Variants in NAV2 observed in about 807,000 individuals in gnomAD.
NAV2 encodes the protein helicase, APC down-regulated 1.
NAV2 carries 54 observed loss-of-function variants against 223.2 expected under a neutral mutation model. The observed-to-expected ratio is 0.24, with a 90% CI of 0.19 to 0.30. The LOEUF is 0.30. NAV2 is among the 10% of genes least tolerant of loss of function. NAV2 has a pLI of 1.00. For synonymous variants in NAV2, 1,279 were observed against 1,239.3 expected, an observed-to-expected ratio of 1.03 and a Z score of -0.67; for missense variants, 2,806 against 3,147.5, an observed-to-expected ratio of 0.89 and a Z score of 2.60.
At chr11:19,657,755 G>C (rs1386217516) in intron 1 of NAV2, among the ~76,000 whole-genome samples, 2 of 152,164 alleles carry the variant, frequency 1.3e-5, no homozygotes, top group Admixed American at 6.5e-5. Context: ...CAGAAAGTGA[G>C]TCAGGGAGGC....
At chr11:19,704,772 G>A (rs868391528) in intron 1 of NAV2, among the ~76,000 whole-genome samples, 2 of 152,084 alleles carry the variant, frequency 1.3e-5, no homozygotes, top group Non-Finnish European at 2.9e-5. Context: ...CAGCACTTGG[G>A]GAGGCCGAGG....
intron 1 of NAV2, among the ~76,000 whole-genome samples, chr11:19,789,450 C>T (rs192524193): frequency 1.8e-4 from 28 of 152,300 alleles, no homozygotes; most frequent in East Asian, 7.7e-4. Context: ...ATGCTATTTT[C>T]GGCCGTTATT....
intron 1 of NAV2, 77 bp downstream of exon 1, chr11:19,714,039 G>A: frequency 6.5e-7 from 1 of 1,545,508 alleles, no homozygotes; most frequent in South Asian, 1.2e-5. Flanking sequence ...TGGGAGAAAG[G>A]GCTGGATGGG....
At chr11:19,648,232 T>C (rs1473922187) in intron 1 of NAV2, among the ~76,000 whole-genome samples, 1 of 152,180 alleles carries the variant, frequency 6.6e-6, no homozygotes, top group Non-Finnish European at 1.5e-5. Context: ...CTGTCTATGC[T>C]CTTGAAGTTA....
chr11:19,966,436 A>G (rs149102750), intron 10 of NAV2, among the ~76,000 whole-genome samples: 2 of 152,178 alleles, frequency 1.3e-5, no homozygotes, highest in East Asian at 1.9e-4. Context: ...CTCCTTTTGC[A>G]TTTGAGAAGC....
intron 11 of NAV2, among the ~76,000 whole-genome samples, chr11:20,015,314 T>C (rs1458502698): frequency 6.6e-6 from 1 of 152,180 alleles, no homozygotes; most frequent in Non-Finnish European, 1.5e-5. Context: ...TTTGTGGCTG[T>C]TGTTCTTAGC....
At chr11:19,434,833 A>G (rs1376838689) in intron 1 of NAV2, among the ~76,000 whole-genome samples, 1 of 149,176 alleles carries the variant, frequency 6.7e-6, no homozygotes, top group Admixed American at 6.8e-5. Flanking sequence ...CACAGGAAAG[A>G]AGCAAAAGGT....
chr11:19,783,306 A>G (rs1402053128), intron 1 of NAV2, among the ~76,000 whole-genome samples: 2 of 152,198 alleles, frequency 1.3e-5, no homozygotes, highest in African/African-American at 4.8e-5. Context: ...GTGGGATTCA[A>G]GGCCTTTTAG....
intron 1 of NAV2, among the ~76,000 whole-genome samples, chr11:19,733,229 C>T (rs1281679466): frequency 6.6e-6 from 1 of 152,230 alleles, no homozygotes; most frequent in Admixed American, 6.5e-5. Context: ...GCTGTGTGCT[C>T]AGCTCTGTGT....
At chr11:19,701,383 C>T (rs1239502293) in intron 1 of NAV2, among the ~76,000 whole-genome samples, 1 of 152,224 alleles carries the variant, frequency 6.6e-6, no homozygotes, top group East Asian at 1.9e-4. Flanking sequence ...CCTTTGAAAA[C>T]TGGATTCTGC....
At chr11:19,516,216 G>C (rs78086755) in intron 1 of NAV2, among the ~76,000 whole-genome samples, 1 of 152,200 alleles carries the variant, frequency 6.6e-6, no homozygotes, top group Non-Finnish European at 1.5e-5. Context: ...TCTACCACAT[G>C]ATGGGGATCT....
intron 5 of NAV2, among the ~76,000 whole-genome samples, chr11:19,883,354 C>T (rs978973078): frequency 6.6e-6 from 1 of 152,162 alleles, no homozygotes; most frequent in Non-Finnish European, 1.5e-5. Flanking sequence ...TTGCTTCTTC[C>T]CCTTAGCTCA....
At chr11:19,714,515 G>A (rs1417955558) in intron 1 of NAV2, 1 of 455,512 alleles carries the variant, frequency 2.2e-6, no homozygotes, top group Non-Finnish European at 4.4e-6. Context: ...GCGGGGTGAC[G>A]GGATTCCGGG....
intron 1 of NAV2, among the ~76,000 whole-genome samples, chr11:19,629,526 T>C (rs913259314): frequency 1.6e-4 from 23 of 144,410 alleles, no homozygotes; most frequent in African/African-American, 6.3e-4. Flanking sequence ...CTCTTTCTTT[T>C]TTTCTCTCTC....
chr11:20,114,651 A>G lies in NAV2; in HGVS notation c.7020A>G (p.Pro2340=). ...CCAAGTGGGTGATGGACACATATCC[A>G]TGGGCAGCCAGCCCACAACAGCACG... ...DPAKWVMDTY[P]WAASPQQHEW... The change falls in exon 37 of 38, where the codon CCA becomes CCG. Residue 2340 remains proline (P), a synonymous_variant. Transcript: ENST00000349880. The G allele has an allele frequency of 1.2e-6, 2 of 1,614,182 alleles. No individual in the cohort carries two copies. The highest frequency in any genetic ancestry group is 1.7e-6 in the Non-Finnish European group (2 of 1,180,030).
intron 1 of NAV2, among the ~76,000 whole-genome samples, chr11:19,421,789 C>T (rs556843253): frequency 0.013 from 118 of 8,928 alleles, no homozygotes; most frequent in African/African-American, 0.016. Flanking sequence ...TTTTTTTTTG[C>T]CCAAGCATGA....
At chr11:19,538,714 G>C (rs984244003) in intron 1 of NAV2, among the ~76,000 whole-genome samples, 1 of 151,498 alleles carries the variant, frequency 6.6e-6, no homozygotes, top group Non-Finnish European at 1.5e-5. Context: ...CTATGTGTTT[G>C]TGTTTTATTT....
intron 1 of NAV2, among the ~76,000 whole-genome samples, chr11:19,470,455 C>G (rs369406975): frequency 6.6e-6 from 1 of 152,288 alleles, no homozygotes; most frequent in East Asian, 1.9e-4. Context: ...AGTCTGATAT[C>G]AAGAAGACGG....
chr11:19,844,314 C>A (rs2060666837), intron 3 of NAV2, among the ~76,000 whole-genome samples: 1 of 152,178 alleles, frequency 6.6e-6, no homozygotes, highest in Non-Finnish European at 1.5e-5. Flanking sequence ...GATGCAATTG[C>A]CCCAGGCCAT....
Sources: gnomAD v4.1 joint callset for allele counts (sites outside exome capture counted in the v4.1 genomes callset) on GRCh38, gnomAD v4.1.1 for gene constraint, MANE v1.5 for transcripts, NCBI Gene and HGNC (gene_info 2026-07-23, HGNC 2026-07-21) for gene names.